The following NUP93 variants were observed in gnomAD, a reference collection of about 807,000 sequenced individuals.
NUP93 encodes nucleoporin 93, also known as nuclear pore complex protein Nup93.
In NUP93, 55 loss-of-function variants were observed where a neutral mutation model predicts 107.8. The observed-to-expected ratio is 0.51, with a 90% CI of 0.41 to 0.64. NUP93 has a LOEUF of 0.64. Among genes scored for constraint, NUP93 ranks in the 30% least tolerant of loss-of-function variants. The probability of loss-of-function intolerance (pLI) is 0.00; values close to 1 mark genes in which losing one functional copy is unlikely to be tolerated. For synonymous variants in NUP93, 390 were observed against 397.5 expected (o/e 0.98, Z 0.22); for missense variants, 937 against 1,044.7 (o/e 0.90, Z 1.42).
rs750501091 is a variant in NUP93 at position 56,758,550 on chromosome 16, C to T, written c.192C>T (p.Leu64=). 2.2e-5 allele frequency: 36 copies of T among 1,613,294 alleles called. No homozygotes were observed. The highest frequency in any genetic ancestry group is 9.9e-5 in the South Asian group (9 of 91,056). Residue 64 remains leucine (L), a synonymous_variant, in exon 3 of 22, where the codon CTC becomes CTT. Transcript: ENST00000308159. ...TATCCTCACATAGGTCAGTTCTCCT[C>T]GGGTCTCGGGGACTTGACATATCCC... The part of the protein sequence containing the change: ...ETADVKASVL[L]GSRGLDISHI...
rs1451602917 is a variant in NUP93 at position 56,848,534 on chromosome 16, C to CGATG, written c.*3925_*3926insGATG. The CGATG allele has an allele frequency of 6.6e-6, 1 of 152,232 alleles. No homozygotes were observed. The highest frequency in any genetic ancestry group is 1.5e-5 in the Non-Finnish European group (1 of 68,042). The allele number at this position is 152,232 out of a possible 1,614,324, so 9.4% of individuals were successfully genotyped here. ...AATCCACAAGTCTTCCCATCTTCCA[C>CGATG]CATCTTCTGACAGTTCCATAATATA... On this transcript the variant is annotated 3_prime_UTR_variant, in exon 22 of 22. Coordinates refer to ENST00000308159, the MANE Select transcript of NUP93 (RefSeq NM_014669.5).
At chr16:56,741,509 C>T (rs1284880566) in intron 1 of NUP93, among the ~76,000 whole-genome samples, 1 of 152,082 alleles carries the variant, frequency 6.6e-6, no homozygotes, top group African/African-American at 2.4e-5. Flanking sequence ...ATCTTCTCAC[C>T]CATTCCGTCT....
chr16:56,842,370 C>T (rs1283393519), intron 21 of NUP93, among the ~76,000 whole-genome samples: 2 of 152,124 alleles, frequency 1.3e-5, no homozygotes, highest in Non-Finnish European at 2.9e-5. Context: ...TGTCTGGAGG[C>T]TGGGTCTCTC....
At chr16:56,743,250 C>T (rs1179469024) in intron 1 of NUP93, among the ~76,000 whole-genome samples, 1 of 151,920 alleles carries the variant, frequency 6.6e-6, no homozygotes, top group Non-Finnish European at 1.5e-5. Context: ...TTCATTTCAC[C>T]TTATATGCAG....
chr16:56,746,677 G>A (rs1961825875), intron 1 of NUP93, among the ~76,000 whole-genome samples: 1 of 152,188 alleles, frequency 6.6e-6, no homozygotes, highest in Non-Finnish European at 1.5e-5. Context: ...CAATTAACCT[G>A]TGCTTCATAG....
In NUP93 at chr16:56,832,364, C is replaced by T; in HGVS notation, c.1321C>T (p.Gln441Ter). 2.5e-6 allele frequency: 4 copies of T among 1,614,018 alleles called. No homozygotes were observed. Among genetic ancestry groups the T allele is most frequent in the Non-Finnish European group, 3.4e-6 (4 of 1,179,878 alleles). ...PQDRLTLSQF[Q>*]KQLLEDYGES... Reference sequence around the variant, plus strand: ...AGACAGGCTCACTCTCTCACAGTTCCAGAAGCAGTTGTTGGAAGACTATGG... The same window carrying T: ...AGACAGGCTCACTCTCTCACAGTTCTAGAAGCAGTTGTTGGAAGACTATGG... The change falls in exon 12 of 22, where the codon CAG becomes TAG. Residue 441 changes from glutamine (Q) to a stop codon, truncating the protein, a stop_gained. Coordinates refer to ENST00000308159, the MANE Select transcript of NUP93 (RefSeq NM_014669.5). LOFTEE classifies it high-confidence loss of function.
intron 5 of NUP93, among the ~76,000 whole-genome samples, chr16:56,811,477 A>C (rs893551723): frequency 6.6e-6 from 1 of 151,922 alleles, no homozygotes; most frequent in Non-Finnish European, 1.5e-5. Flanking sequence ...TTGGGTCCCC[A>C]AGCCTGGGCT....
At chr16:56,815,412 A>G (rs1487773943) in intron 5 of NUP93, among the ~76,000 whole-genome samples, 2 of 152,168 alleles carry the variant, frequency 1.3e-5, no homozygotes, top group African/African-American at 4.8e-5. Flanking sequence ...GAAGTATAAA[A>G]TGCCCTGGCT....
intron 1 of NUP93, among the ~76,000 whole-genome samples, chr16:56,737,722 G>C (rs536947032): frequency 2.2e-5 from 3 of 139,380 alleles, no homozygotes; most frequent in East Asian, 4.5e-4. Flanking sequence ...TTCCATTGCT[G>C]TGTGTGGTAT....
intron 7 of NUP93, among the ~76,000 whole-genome samples, chr16:56,823,384 G>T (rs190115123): frequency 1.2e-4 from 19 of 152,266 alleles, no homozygotes; most frequent in African/African-American, 4.6e-4. Flanking sequence ...TGTCTCTGAA[G>T]GGATAACCCA....
chr16:56,807,149 G>T (rs771089753), intron 5 of NUP93, among the ~76,000 whole-genome samples: 1 of 152,128 alleles, frequency 6.6e-6, no homozygotes, highest in Non-Finnish European at 1.5e-5. Context: ...TGCACCAGCC[G>T]AACAGGCTTC....
chr16:56,831,582 A>C, intron 10 of NUP93: 1 of 399,098 alleles, frequency 2.5e-6, no homozygotes, highest in Non-Finnish European at 4.6e-6. Context: ...TGGAGTTCTA[A>C]TTCCCTGGCA....
chr16:56,838,925 T>C, intron 18 of NUP93, 27 bp from the exon 19 acceptor site: 1 of 1,501,836 alleles, frequency 6.7e-7, no homozygotes, highest in Non-Finnish European at 9.3e-7. Context: ...ACACTCTTAC[T>C]ACCCCCACCC....
At chr16:56,804,972 C>T (rs1472623074) in intron 4 of NUP93, among the ~76,000 whole-genome samples, 3 of 151,366 alleles carry the variant, frequency 2.0e-5, no homozygotes, top group Non-Finnish European at 4.4e-5. Context: ...CAGTGAAATA[C>T]GGTATGTTGC....
chr16:56,755,476 A>G (rs550357211), intron 2 of NUP93, among the ~76,000 whole-genome samples: 1 of 151,964 alleles, frequency 6.6e-6, no homozygotes, highest in Non-Finnish European at 1.5e-5. Context: ...TTTGGGGGGA[A>G]ATGGGGAATC....
At chr16:56,836,448 A>T (rs1445838633) in intron 16 of NUP93, among the ~76,000 whole-genome samples, 153 bp from the exon 17 acceptor site, 1 of 152,242 alleles carries the variant, frequency 6.6e-6, no homozygotes, top group Non-Finnish European at 1.5e-5. Context: ...TCTTTAAGAA[A>T]GCCAGAGTCT....
At chr16:56,794,309 T>C (rs1186561031) in intron 3 of NUP93, among the ~76,000 whole-genome samples, 1 of 152,148 alleles carries the variant, frequency 6.6e-6, no homozygotes, top group Non-Finnish European at 1.5e-5. Flanking sequence ...TTTAAGTATG[T>C]AATGGTTAAT....
intron 1 of NUP93, among the ~76,000 whole-genome samples, chr16:56,740,078 A>G (rs1428758385): frequency 2.9e-5 from 2 of 68,178 alleles, no homozygotes; most frequent in South Asian, 5.9e-4. Context: ...CGGAGGGCTC[A>G]CCCCCCCACC....
intron 20 of NUP93, chr16:56,839,894 C>A: frequency 2.6e-6 from 1 of 387,724 alleles, no homozygotes; most frequent in South Asian, 2.5e-5. Flanking sequence ...TGGTTTAATT[C>A]TTCTATTATC....
Sources: gnomAD v4.1 joint callset for allele counts (sites outside exome capture counted in the v4.1 genomes callset) on GRCh38, gnomAD v4.1.1 for gene constraint, MANE v1.5 for transcripts, NCBI Gene and HGNC (gene_info 2026-07-23, HGNC 2026-07-21) for gene names.